PTPRH: variants seen among roughly 807,000 people sequenced by gnomAD.
PTPRH encodes the protein protein tyrosine phosphatase receptor type H.
Under a neutral mutation model 130.2 loss-of-function variants are expected in PTPRH, and 113 were observed. The observed-to-expected ratio is 0.87, with a 90% CI of 0.75 to 1.01. The LOEUF is 1.01. Among genes scored for constraint, PTPRH ranks in the 50% least tolerant of loss-of-function variants. The pLI, the probability that PTPRH is intolerant of heterozygous loss-of-function variation, is 0.00. For missense variants in PTPRH, 1,430 were observed against 1,425.0 expected, an observed-to-expected ratio of 1.00 and a Z score of -0.06; for synonymous variants, 556 against 577.9, an observed-to-expected ratio of 0.96 and a Z score of 0.54.
At chr19:55,183,050 C>T (rs560384174) in intron 18 of PTPRH, among the ~76,000 whole-genome samples, 62 of 150,604 alleles carry the variant, frequency 4.1e-4, no homozygotes, top group African/African-American at 1.4e-3. Context: ...CCCACCTCAG[C>T]CCCCCAAAGT....
intron 6 of PTPRH, 21 bp from the exon 7 acceptor site, chr19:55,200,523 T>C: frequency 6.2e-7 from 1 of 1,611,786 alleles, no homozygotes; most frequent in Non-Finnish European, 8.5e-7. Flanking sequence ...AGGAAGAAGA[T>C]CCTATGTTGT....
chr19:55,206,003 C>T (rs1434181578), intron 3 of PTPRH, among the ~76,000 whole-genome samples: 3 of 152,122 alleles, frequency 2.0e-5, no homozygotes, highest in Non-Finnish European at 4.4e-5. Flanking sequence ...GAGGCCGAGG[C>T]AGGCGGATCA....
rs558110066 is a variant in PTPRH, at chr19:55,185,635, G to C, written c.2929C>G (p.Arg977Gly). The change falls in exon 18 of 20, where the codon CGC becomes GGC. Residue 977 changes from arginine (R) to glycine (G), a missense_variant. Coordinates refer to ENST00000376350, the MANE Select transcript of PTPRH (RefSeq NM_002842.5). ...QVEEQKTLSV[R>G]QFHYQAWPDH... Reference sequence around the variant, plus strand: ...GGCCAGGCCTGGTAGTGGAATTGGCGCACAGACAGTGTCTTCTGCTCCTCC... The same window carrying C: ...GGCCAGGCCTGGTAGTGGAATTGGCCCACAGACAGTGTCTTCTGCTCCTCC... The C allele has an allele frequency of 6.2e-7, 1 of 1,614,124 alleles. No individual in the cohort carries two copies. The highest frequency in any genetic ancestry group is 8.5e-7 in the Non-Finnish European group (1 of 1,179,992).
At chr19:55,186,047 T>C in intron 16 of PTPRH, 63 bp from the exon 17 acceptor site, 9 of 1,610,680 alleles carry the variant, frequency 5.6e-6, no homozygotes, top group Non-Finnish European at 7.6e-6. Context: ...GGGTCTGCTT[T>C]AGGCCCCAAA....
At chr19:55,204,358 G>A (rs1481845021) in intron 4 of PTPRH, among the ~76,000 whole-genome samples, 1 of 152,130 alleles carries the variant, frequency 6.6e-6, no homozygotes, top group Admixed American at 6.5e-5. Flanking sequence ...TCCCACCTCG[G>A]CCTCCCAAAG....
intron 10 of PTPRH, among the ~76,000 whole-genome samples, chr19:55,193,378 C>A (rs1019475155): frequency 1.5e-5 from 1 of 64,540 alleles, no homozygotes; most frequent in Non-Finnish European, 3.1e-5. Flanking sequence ...CTGTGGTGGG[C>A]ATGATCGTAT....
At chr19:55,186,877 G>A (rs4806469) in intron 14 of PTPRH, among the ~76,000 whole-genome samples, 48,092 of 151,520 alleles carry the variant, frequency 0.32, 8,925 homozygotes, top group African/African-American at 0.48. Flanking sequence ...AAACCCGGTC[G>A]CCATTAAAAA....
chr19:55,189,201 G>C (rs562141934), intron 12 of PTPRH, among the ~76,000 whole-genome samples: 52 of 152,238 alleles, frequency 3.4e-4, no homozygotes, highest in African/African-American at 1.2e-3. Flanking sequence ...GATCAGGCTG[G>C]TCTCGAACTC....
chr19:55,200,260 T>C lies in PTPRH; in HGVS notation c.1396A>G (p.Arg466Gly), dbSNP rs1426265560. The C allele has an allele frequency of 1.2e-6, 2 of 1,614,242 alleles. No homozygotes were observed. The highest frequency in any genetic ancestry group is 2.2e-5 in the East Asian group (1 of 44,886). ...CCTGTGGAGATGCTGACATTCTGCC[T>C]GGAGCCACGTGCTCCATTTTTTTCT... ...WAEKNGARGS[R>G]QNVSISTVPN... Residue 466 changes from arginine to glycine, a missense_variant, in exon 7 of 20, where the codon AGG becomes GGG. Physicochemically the swap from Arg to Gly is moderately radical, Grantham distance 125 (BLOSUM62 -2). Transcript: ENST00000376350.
At position 55,202,201 on chromosome 19, in the gene PTPRH, T is replaced by C. The variant is rs1238893298; in HGVS notation, c.1008A>G (p.Gly336=). 4 of 1,614,154 alleles carry C rather than the reference T, an allele frequency of 2.5e-6. No individual in the cohort carries two copies. The highest frequency in any genetic ancestry group is 3.4e-6 in the Non-Finnish European group (4 of 1,180,020). Residue 336 remains glycine, a synonymous_variant, in exon 6 of 20, where the codon GGA becomes GGG. Transcript: ENST00000376350. ...QNSTYGVEYT[G]DGGRAGTRST... is the part of the protein sequence containing the mutation. ...TTCGAGTCCCTGCTCTGCCACCATCTCCAGTGTACTCAACCCCGTAGGTGG... is the reference window on the plus strand; with the variant it reads ...TTCGAGTCCCTGCTCTGCCACCATCCCCAGTGTACTCAACCCCGTAGGTGG...
intron 10 of PTPRH, 55 bp downstream of exon 10, chr19:55,196,467 A>T: frequency 6.4e-7 from 1 of 1,564,514 alleles, no homozygotes; most frequent in Non-Finnish European, 8.7e-7. Flanking sequence ...ATGGGGCCTG[A>T]TGGGGTCTAC....
In PTPRH at chr19:55,189,136, C is replaced by T. The variant is rs900990847; in HGVS notation, c.2385-968G>A. ...GCGTAGCTGGGATTACAGGTGCCAG[C>T]CACCATGCCCGGCTAATTTTTGTAT... On this transcript the variant is annotated intron_variant, in intron 12 of 19. Transcript: ENST00000376350. 2.0e-5 allele frequency among the ~76,000 whole-genome samples: 3 copies of T among 152,158 alleles called. No homozygotes were observed. The East Asian group carries it at 5.8e-4, about 29-fold the overall frequency.
At position 55,202,354 on chromosome 19, in the gene PTPRH, G is replaced by T. The variant is rs768008437; in HGVS notation, c.887-32C>A. On this transcript the variant is annotated intron_variant, in intron 5 of 19. Coordinates refer to ENST00000376350, the MANE Select transcript of PTPRH (RefSeq NM_002842.5). ...ACCAGCACAGGAGGGAAAATCAGTT[G>T]TAGTTTCTGGCCCTCAAACTTTCCA... The T allele has an allele frequency of 5.0e-6, 8 of 1,610,316 alleles. No homozygotes were observed. In the Admixed American group the frequency reaches 6.7e-5, roughly 13 times the overall value.
chr19:55,205,583 G>A lies in PTPRH; in HGVS notation c.362C>T (p.Pro121Leu). Residue 121 changes from proline (P) to leucine (L), a missense_variant, in exon 4 of 20, where the codon CCA becomes CTA. Coordinates refer to ENST00000376350, the MANE Select transcript of PTPRH (RefSeq NM_002842.5). ...GTVTTATAPN[P>L]VRNLRVEAQT... ...AGCCTCCACTCTCAGGTTCCTCACTGGGTTGGGAGCTGAAAACCAGCACAG... is the reference window on the plus strand; with the variant it reads ...AGCCTCCACTCTCAGGTTCCTCACTAGGTTGGGAGCTGAAAACCAGCACAG... 1 of 1,614,148 alleles carries A rather than the reference G, an allele frequency of 6.2e-7. No individual in the cohort carries two copies. The highest frequency in any genetic ancestry group is 8.5e-7 in the Non-Finnish European group (1 of 1,180,010).
intron 1 of PTPRH, chr19:55,207,417 G>A (rs2087105983): frequency 1.8e-6 from 1 of 557,654 alleles, no homozygotes; most frequent in South Asian, 2.4e-5. Flanking sequence ...GGGAGCTGGG[G>A]TTGGCTCCAC....
rs760609422 is a variant in PTPRH, at chr19:55,185,907, C to T, written c.2856G>A (p.Glu952=). 12 of 1,614,188 alleles carry T rather than the reference C, an allele frequency of 7.4e-6. No individual in the cohort carries two copies. Among genetic ancestry groups the T allele is most frequent in the Non-Finnish European group, 3.4e-6 (4 of 1,180,038 alleles). The change falls in exon 17 of 20, where the codon GAG becomes GAA. Residue 952 remains glutamate, a synonymous_variant. Coordinates refer to ENST00000376350, the MANE Select transcript of PTPRH (RefSeq NM_002842.5). ...GCACCGTCCAGTTCTCCATCACTTC[C>T]TCACCTACCAGGGTTACCCGCAGGT... ...HGHLRVTLVG[E]EVMENWTVRE...
intron 7 of PTPRH, 124 bp from the exon 8 acceptor site, chr19:55,199,036 G>C: frequency 1.0e-6 from 1 of 987,358 alleles, no homozygotes; most frequent in Non-Finnish European, 1.3e-6. Flanking sequence ...AGGGCACAGT[G>C]GCTCAGGCCT....
intron 5 of PTPRH, among the ~76,000 whole-genome samples, chr19:55,203,480 A>G (rs1450313639): frequency 6.6e-6 from 1 of 150,816 alleles, no homozygotes; most frequent in Non-Finnish European, 1.5e-5. Context: ...CAGCAGTCCA[A>G]TCAGAGCTCA....
At position 55,203,704 on chromosome 19, in the gene PTPRH, A is replaced by G. The variant is rs181760799; in HGVS notation, c.886+78T>C. 5.0e-4 allele frequency: 738 copies of G among 1,479,458 alleles called. 13 individuals are homozygous for G. In the East Asian group the frequency reaches 0.014, roughly 28 times the overall value. The allele number at this position is 1,479,458 out of a possible 1,614,324, so 91.6% of individuals were successfully genotyped here. ...TTTCTATTGGACTAAAGAACCTGTC[A>G]CATTTTGTCAGCTCCCAACCACCCC... is the stretch of plus-strand genomic sequence containing the variant. On this transcript the variant is annotated intron_variant, in intron 5 of 19. Transcript: ENST00000376350.
Sources: allele counts gnomAD v4.1 joint callset (sites outside exome capture counted in the v4.1 genomes callset), GRCh38; gene constraint gnomAD v4.1.1; transcripts MANE v1.5; gene names NCBI Gene and HGNC (gene_info 2026-07-23, HGNC 2026-07-21).